Variants in GTF2IRD1 observed in about 807,000 individuals in gnomAD.
GTF2IRD1 encodes general transcription factor II-I repeat domain-containing protein 1.
Under a neutral mutation model 113.2 loss-of-function variants are expected in GTF2IRD1, and 26 were observed. The observed-to-expected ratio is 0.23, with a 90% CI of 0.17 to 0.32. The LOEUF (loss-of-function observed/expected upper bound fraction) is 0.32, where lower values mean the gene tolerates loss of function less well. GTF2IRD1 is among the 10% of genes least tolerant of loss of function. The pLI is 1.00. For missense variants in GTF2IRD1, 864 were observed against 1,280.8 expected, an observed-to-expected ratio of 0.67 and a Z score of 4.97; for synonymous variants, 484 against 529.1, an observed-to-expected ratio of 0.91 and a Z score of 1.17.
chr7:74,573,157 A>C (rs1379471940), intron 22 of GTF2IRD1, among the ~76,000 whole-genome samples: 3 of 152,090 alleles, frequency 2.0e-5, no homozygotes, highest in Non-Finnish European at 4.4e-5. Context: ...TTGTCATCCC[A>C]GCACTGTGGG....
intron 3 of GTF2IRD1, 171 bp from the exon 4 acceptor site, chr7:74,515,270 G>C: frequency 7.3e-7 from 1 of 1,371,878 alleles, no homozygotes; most frequent in Non-Finnish European, 9.9e-7. Context: ...CCCTCAGTGG[G>C]GTGGTTGGAA....
chr7:74,478,009 G>C (rs954116458), intron 1 of GTF2IRD1, among the ~76,000 whole-genome samples: 2 of 152,168 alleles, frequency 1.3e-5, no homozygotes, highest in Non-Finnish European at 2.9e-5. Flanking sequence ...TCCTCCCACT[G>C]TCTCCTGACA....
At chr7:74,470,123 G>A (rs912635741) in intron 1 of GTF2IRD1, among the ~76,000 whole-genome samples, 8 of 151,740 alleles carry the variant, frequency 5.3e-5, no homozygotes, top group East Asian at 1.9e-4. Flanking sequence ...TCAGCCTCCC[G>A]AGTAGCTGGG....
intron 9 of GTF2IRD1, among the ~76,000 whole-genome samples, chr7:74,531,044 G>A (rs962107519): frequency 1.3e-5 from 2 of 151,866 alleles, no homozygotes; most frequent in Non-Finnish European, 2.9e-5. Flanking sequence ...ACTCCAGCCT[G>A]GGTGACAGAG....
intron 1 of GTF2IRD1, among the ~76,000 whole-genome samples, chr7:74,501,289 G>A (rs1032996503): frequency 6.6e-6 from 1 of 152,176 alleles, no homozygotes; most frequent in Non-Finnish European, 1.5e-5. Flanking sequence ...GTGGGGTGAT[G>A]GGAACCCGGA....
intron 14 of GTF2IRD1, among the ~76,000 whole-genome samples, chr7:74,542,107 A>C (rs1376201875): frequency 1.3e-5 from 2 of 151,216 alleles, no homozygotes; most frequent in East Asian, 3.9e-4. Flanking sequence ...AAAAAAAAAA[A>C]CAAAAATAGG....
rs587693569 is a variant in GTF2IRD1 at position 74,556,264 on chromosome 7, AAGAG to A, written c.2023+786_2023+789del. On this transcript the variant is annotated intron_variant, in intron 19 of 26. Transcript: ENST00000424337. ...AAGACCCTGTCTCAAAAAAAAAAGAAAGAGAGAGAGAGAGAGAGATGGTGGTCTG... is the reference window on the plus strand; with the variant it reads ...AAGACCCTGTCTCAAAAAAAAAAGAAAGAGAGAGAGAGAGATGGTGGTCTG... Among the ~76,000 whole-genome samples the A allele has an allele frequency of 7.4e-3, 1,106 of 149,600 alleles. 15 individuals carry two copies. Among genetic ancestry groups the A allele is most frequent in the African/African-American group, 0.021 (876 of 40,918 alleles).
At chr7:74,566,006 A>AACAC (rs66556824) in intron 22 of GTF2IRD1, among the ~76,000 whole-genome samples, 4,248 of 143,176 alleles carry the variant, frequency 0.03, 120 homozygotes, top group East Asian at 0.17. Flanking sequence ...AAGACACACA[A>AACAC]ACACACACAC....
chr7:74,528,395 T>C (rs1171479419), intron 8 of GTF2IRD1, among the ~76,000 whole-genome samples: 3 of 152,042 alleles, frequency 2.0e-5, no homozygotes, highest in African/African-American at 7.2e-5. Flanking sequence ...TAGAGATGGC[T>C]TCTTACTGTG....
chr7:74,545,722 C>A, intron 15 of GTF2IRD1, 22 bp from the exon 16 acceptor site: 1 of 1,605,786 alleles, frequency 6.2e-7, no homozygotes, highest in Non-Finnish European at 8.5e-7. Flanking sequence ...CCAGCCTCAA[C>A]AGACTGCCTT....
intron 7 of GTF2IRD1, among the ~76,000 whole-genome samples, chr7:74,522,596 C>A (rs587716534): frequency 1.4e-4 from 21 of 152,232 alleles, no homozygotes; most frequent in Admixed American, 3.3e-4. Flanking sequence ...GACCCTCCCC[C>A]CCAACAACAA....
At chr7:74,489,660 T>C (rs1795222561) in intron 1 of GTF2IRD1, among the ~76,000 whole-genome samples, 1 of 152,084 alleles carries the variant, frequency 6.6e-6, no homozygotes, top group Admixed American at 6.5e-5. Flanking sequence ...AGTTCCTTTC[T>C]AAGGGCAAGG....
intron 22 of GTF2IRD1, among the ~76,000 whole-genome samples, chr7:74,583,851 C>G (rs374795561): frequency 5.9e-5 from 9 of 152,048 alleles, no homozygotes; most frequent in African/African-American, 1.9e-4. Flanking sequence ...GTGTCTTACT[C>G]ACCGCTCACA....
chr7:74,527,052 G>C (rs1173291291), intron 8 of GTF2IRD1, among the ~76,000 whole-genome samples: 13 of 152,148 alleles, frequency 8.5e-5, no homozygotes, highest in Non-Finnish European at 1.5e-4. Context: ...GAGAAGCAGG[G>C]CTAGGACAGG....
chr7:74,497,930 C>G (rs1795822293), intron 1 of GTF2IRD1, among the ~76,000 whole-genome samples: 1 of 152,164 alleles, frequency 6.6e-6, no homozygotes, highest in Admixed American at 6.6e-5. Context: ...TCTCGAACTC[C>G]TGACCTTAGA....
chr7:74,461,215 C>T (rs1554329133), intron 1 of GTF2IRD1, among the ~76,000 whole-genome samples: 2 of 152,090 alleles, frequency 1.3e-5, no homozygotes, highest in South Asian at 2.1e-4. Flanking sequence ...TGAGGGCTTG[C>T]GGTCCTGGGC....
At chr7:74,546,074 C>T (rs374319882) in intron 16 of GTF2IRD1, among the ~76,000 whole-genome samples, 18 of 152,202 alleles carry the variant, frequency 1.2e-4, no homozygotes, top group Admixed American at 6.5e-4. Flanking sequence ...CCTGTAATGT[C>T]GCCAGCCCTC....
intron 1 of GTF2IRD1, among the ~76,000 whole-genome samples, chr7:74,493,817 CAG>C (rs1270802491): frequency 1.3e-5 from 2 of 152,088 alleles, no homozygotes; most frequent in Non-Finnish European, 2.9e-5. Flanking sequence ...CTCCTGGGCT[CAG>C]GGGATCCTCC....
chr7:74,562,187 C>T (rs782307672), intron 22 of GTF2IRD1, among the ~76,000 whole-genome samples: 4 of 152,180 alleles, frequency 2.6e-5, no homozygotes, highest in African/African-American at 4.8e-5. Context: ...GGGCCAGCAC[C>T]GGCAGTTCCA....
Sources: allele counts gnomAD v4.1 joint callset (sites outside exome capture counted in the v4.1 genomes callset), GRCh38; gene constraint gnomAD v4.1.1; transcripts MANE v1.5; gene names NCBI Gene and HGNC (gene_info 2026-07-23, HGNC 2026-07-21).